Variants in OXR1 observed in about 807,000 individuals in gnomAD.
OXR1 encodes oxidation resistance 1, also known as oxidation resistance protein 1.
Under a neutral mutation model 104.6 loss-of-function variants are expected in OXR1, and 41 were observed. The observed-to-expected ratio is 0.39, with a 90% confidence interval of 0.31 to 0.51. OXR1 has a LOEUF of 0.51. Among genes scored for constraint, OXR1 ranks in the 20% least tolerant of loss-of-function variants. OXR1 has a pLI of 0.77. For synonymous variants in OXR1, 348 were observed against 348.4 expected (o/e 1.00, Z 0.01); for missense variants, 955 against 1,031.9 (o/e 0.93, Z 1.02).
intron 3 of OXR1, among the ~76,000 whole-genome samples, chr8:106,526,720 T>C (rs960385851): frequency 2.0e-5 from 3 of 152,310 alleles, no homozygotes; most frequent in Non-Finnish European, 4.4e-5. Context: ...TTTTTTTGTA[T>C]TTTTAGTAGA....
intron 3 of OXR1, chr8:106,658,275 T>C (rs753176730): frequency 7.5e-5 from 91 of 1,213,206 alleles, no homozygotes; most frequent in Non-Finnish European, 7.5e-5. Context: ...CGGGGGTCGC[T>C]GCCCGGCTCT....
At chr8:106,392,014 A>T (rs1486324988) in intron 2 of OXR1, among the ~76,000 whole-genome samples, 1 of 152,164 alleles carries the variant, frequency 6.6e-6, no homozygotes, top group Non-Finnish European at 1.5e-5. Context: ...AAAGCATGAC[A>T]CAAAAGCATC....
chr8:106,373,133 G>C (rs559724241), intron 2 of OXR1, among the ~76,000 whole-genome samples: 1 of 152,232 alleles, frequency 6.6e-6, no homozygotes, highest in South Asian at 2.1e-4. Flanking sequence ...TAAAGTCTCT[G>C]GGAGGATGTA....
chr8:106,351,967 A>G (rs1203845710), intron 1 of OXR1, among the ~76,000 whole-genome samples: 1 of 152,220 alleles, frequency 6.6e-6, no homozygotes, highest in African/African-American at 2.4e-5. Context: ...ACAGTTGGTA[A>G]TCGCATCCAG....
intron 12 of OXR1, 48 bp downstream of exon 12, chr8:106,737,648 G>A: frequency 1.5e-6 from 1 of 660,036 alleles, no homozygotes; most frequent in Non-Finnish European, 2.3e-6. Flanking sequence ...AATACTCCCT[G>A]TTTTTAGTGT....
intron 3 of OXR1, among the ~76,000 whole-genome samples, chr8:106,534,272 C>T (rs4734924): frequency 0.4 from 61,245 of 152,038 alleles, 13,859 homozygotes; most frequent in Non-Finnish European, 0.5. Context: ...GAACAGCACA[C>T]ATAAAATACT....
At chr8:106,507,747 G>T (rs1411519045) in intron 2 of OXR1, among the ~76,000 whole-genome samples, 1 of 152,210 alleles carries the variant, frequency 6.6e-6, no homozygotes, top group African/African-American at 2.4e-5. Context: ...GGATAAGAGA[G>T]ATCACTTCGG....
intron 3 of OXR1, among the ~76,000 whole-genome samples, chr8:106,629,486 A>C (rs1822484400): frequency 6.6e-6 from 1 of 152,208 alleles, no homozygotes; most frequent in South Asian, 2.1e-4. Flanking sequence ...TGTTCCCTGA[A>C]GAATTTGGTA....
intron 2 of OXR1, among the ~76,000 whole-genome samples, chr8:106,508,128 T>TA (rs1337245295): frequency 1.3e-5 from 2 of 152,128 alleles, no homozygotes; most frequent in East Asian, 3.9e-4. Context: ...GTTCAGGACT[T>TA]ACAGAAGGAA....
intron 1 of OXR1, among the ~76,000 whole-genome samples, chr8:106,289,717 A>G (rs1460180237): frequency 1.3e-5 from 2 of 152,190 alleles, no homozygotes; most frequent in Non-Finnish European, 2.9e-5. Flanking sequence ...CGGTACTGGT[A>G]CAAAGACAGA....
In OXR1 at chr8:106,744,917, A is replaced by G. The variant is rs77801961; in HGVS notation, c.2413-872A>G. ...CTTAACTAGCTCACCAGAATAACCA[A>G]TGCTTTTCATTCCTTCCATAAAATA... is the stretch of plus-strand genomic sequence containing the variant. On this transcript the variant is annotated intron_variant, in intron 15 of 16. Coordinates refer to ENST00000517566, the MANE Select transcript of OXR1 (RefSeq NM_001198533.2). Among the ~76,000 whole-genome samples, 398 of 152,308 alleles carry G rather than the reference A, an allele frequency of 2.6e-3. 4 individuals are homozygous for G. Among genetic ancestry groups the G allele is most frequent in the African/African-American group, 8.8e-3 (366 of 41,578 alleles).
At chr8:106,346,081 T>C (rs1449789579) in intron 1 of OXR1, among the ~76,000 whole-genome samples, 1 of 148,708 alleles carries the variant, frequency 6.7e-6, no homozygotes, top group Non-Finnish European at 1.5e-5. Context: ...GGTAATGGGG[T>C]TGCAGCAGTT....
intron 1 of OXR1, among the ~76,000 whole-genome samples, chr8:106,326,340 CT>C (rs1269109643): frequency 6.6e-6 from 1 of 152,194 alleles, no homozygotes; most frequent in East Asian, 1.9e-4. Flanking sequence ...TTACATGGAT[CT>C]TAAATGTTAA....
chr8:106,747,728 C>T (rs1835510244), intron 16 of OXR1, among the ~76,000 whole-genome samples: 1 of 152,132 alleles, frequency 6.6e-6, no homozygotes, highest in South Asian at 2.1e-4. Flanking sequence ...AATGAATATA[C>T]AAATAATCCA....
At chr8:106,738,553 A>G (rs1476475694) in intron 12 of OXR1, among the ~76,000 whole-genome samples, 3 of 151,904 alleles carry the variant, frequency 2.0e-5, no homozygotes, top group Non-Finnish European at 2.9e-5. Flanking sequence ...ATCTGCTCCA[A>G]TAGAATTCTG....
intron 2 of OXR1, among the ~76,000 whole-genome samples, chr8:106,382,725 T>TAGTC (rs113197815): frequency 0.054 from 7,544 of 139,606 alleles, 731 homozygotes; most frequent in African/African-American, 0.2. Flanking sequence ...AGAGAGAAGT[T>TAGTC]AGGGGGACAG....
At chr8:106,473,733 G>C in intron 2 of OXR1, among the ~76,000 whole-genome samples, 1 of 151,386 alleles carries the variant, frequency 6.6e-6, no homozygotes. Context: ...CATTTTTTAA[G>C]GTATGAACTT....
chr8:106,370,490 A>G (rs1563741242), intron 2 of OXR1, among the ~76,000 whole-genome samples: 2 of 152,160 alleles, frequency 1.3e-5, no homozygotes, highest in African/African-American at 2.4e-5. Flanking sequence ...TTTCAAAGGG[A>G]ATGAGTCTAG....
chr8:106,492,252 C>A (rs988926134), intron 2 of OXR1, among the ~76,000 whole-genome samples: 1 of 152,214 alleles, frequency 6.6e-6, no homozygotes, highest in African/African-American at 2.4e-5. Context: ...ATCCAACTTT[C>A]AGCAAGTGCT....
Sources: allele counts gnomAD v4.1 joint callset (sites outside exome capture counted in the v4.1 genomes callset), GRCh38; gene constraint gnomAD v4.1.1; transcripts MANE v1.5; gene names NCBI Gene and HGNC (gene_info 2026-07-23, HGNC 2026-07-21).